Variants in RBFOX1 observed in about 807,000 individuals in gnomAD.
The protein encoded by RBFOX1 is RNA binding fox-1 homolog 1.
RBFOX1 carries 8 observed loss-of-function variants against 57.7 expected under a neutral mutation model. The ratio of observed to expected loss-of-function variants is 0.14; its 90% CI spans 0.08 to 0.25. The LOEUF is 0.25. Ranked by LOEUF, RBFOX1 falls within the 10% of genes least tolerant of loss-of-function variation. The pLI is 1.00. For missense variants in RBFOX1, 611 were observed against 548.5 expected (o/e 1.11, Z -1.14); for synonymous variants, 326 against 222.4 (o/e 1.47, Z -4.15).
intron 3 of RBFOX1, among the ~76,000 whole-genome samples, chr16:6,951,189 G>C (rs1214165197): frequency 6.6e-6 from 1 of 152,138 alleles, no homozygotes; most frequent in Non-Finnish European, 1.5e-5. Context: ...TTATAGGTGT[G>C]AGCCAACAGG....
intron 3 of RBFOX1, among the ~76,000 whole-genome samples, chr16:5,769,196 A>T (rs116291912): frequency 1.3e-5 from 2 of 152,178 alleles, no homozygotes; most frequent in African/African-American, 2.4e-5. Context: ...CAACTAAATT[A>T]TGTCCCCTCA....
intron 3 of RBFOX1, among the ~76,000 whole-genome samples, chr16:6,696,546 G>C (rs1048879288): frequency 6.6e-6 from 1 of 152,150 alleles, no homozygotes; most frequent in Non-Finnish European, 1.5e-5. Context: ...ATATTTATTT[G>C]AGGTTTAATT....
At chr16:6,956,397 C>T (rs1298380644) in intron 3 of RBFOX1, among the ~76,000 whole-genome samples, 1 of 152,184 alleles carries the variant, frequency 6.6e-6, no homozygotes, top group African/African-American at 2.4e-5. Context: ...GGGGAATGAG[C>T]AGGCTCCGCT....
chr16:7,574,870 G>T (rs1193549543), intron 5 of RBFOX1, among the ~76,000 whole-genome samples: 2 of 152,120 alleles, frequency 1.3e-5, no homozygotes, highest in African/African-American at 4.8e-5. Flanking sequence ...CTGCTTTGAG[G>T]CCACTCATCT....
In RBFOX1 at chr16:7,365,452, C is replaced by A. The variant is rs1006749156; in HGVS notation, c.28-152695C>A. The stretch of plus-strand genomic sequence containing the variant: ...AATGTTGAATTGCTGTATTAAAATT[C>A]TTTCAGTGAGTGATTCTCAAGAAGG... On this transcript the variant is annotated intron_variant, in intron 4 of 15. Coordinates refer to ENST00000550418, the MANE Select transcript of RBFOX1 (RefSeq NM_018723.4). Among the ~76,000 whole-genome samples, 7 of 152,194 alleles carry A rather than the reference C, an allele frequency of 4.6e-5. No individual in the cohort carries two copies. In the South Asian group the frequency reaches 1.2e-3, roughly 27 times the overall value.
At chr16:5,541,350 A>C (rs921304415) in intron 2 of RBFOX1, among the ~76,000 whole-genome samples, 2 of 152,152 alleles carry the variant, frequency 1.3e-5, no homozygotes, top group African/African-American at 4.8e-5. Flanking sequence ...CGCCCATGAC[A>C]CTGCCTCAGG....
At chr16:7,362,068 C>T (rs544861031) in intron 4 of RBFOX1, among the ~76,000 whole-genome samples, 110 of 135,554 alleles carry the variant, frequency 8.1e-4, no homozygotes, top group African/African-American at 3.0e-3. Context: ...TATGTTAGTA[C>T]GTGTTTTTTG....
At chr16:5,731,484 A>G (rs2052371917) in intron 3 of RBFOX1, among the ~76,000 whole-genome samples, 1 of 152,246 alleles carries the variant, frequency 6.6e-6, no homozygotes, top group Non-Finnish European at 1.5e-5. Flanking sequence ...ACAGAAAAGA[A>G]GACACACCCA....
At chr16:7,411,822 G>C (rs1230569588) in intron 4 of RBFOX1, among the ~76,000 whole-genome samples, 1 of 147,652 alleles carries the variant, frequency 6.8e-6, no homozygotes, top group Non-Finnish European at 1.5e-5. Flanking sequence ...AGAATCACTT[G>C]AACCCAGGAA....
At chr16:6,287,838 C>T (rs576835511) in intron 1 of RBFOX1, among the ~76,000 whole-genome samples, 1 of 152,110 alleles carries the variant, frequency 6.6e-6, no homozygotes, top group Admixed American at 6.6e-5. Context: ...TGTTTCTAAT[C>T]TAGAAAGATC....
chr16:7,458,257 G>A lies in RBFOX1; in HGVS notation c.28-59890G>A, dbSNP rs111346079. On this transcript the variant is annotated intron_variant, in intron 4 of 15. Coordinates refer to ENST00000550418, the MANE Select transcript of RBFOX1 (RefSeq NM_018723.4). ...TCCTTAAGGTTTGCAAAGGACCAGC[G>A]TCTAATGACCATGTGAATGCAGGAA... Among the ~76,000 whole-genome samples the A allele has an allele frequency of 5.5e-3, 830 of 152,182 alleles. 8 individuals carry two copies. Among genetic ancestry groups the A allele is most frequent in the African/African-American group, 0.018 (761 of 41,528 alleles).
chr16:5,583,264 A>G (rs369235720), intron 2 of RBFOX1, among the ~76,000 whole-genome samples: 2 of 152,300 alleles, frequency 1.3e-5, no homozygotes, highest in African/African-American at 4.8e-5. Context: ...AGGACTCCAT[A>G]CTTCTATATT....
chr16:6,992,837 CA>C lies in RBFOX1; in HGVS notation c.-15-59203del, dbSNP rs3048923. On this transcript the variant is annotated intron_variant, in intron 3 of 15. Transcript: ENST00000550418. ...CAGAAAGGCTGATTCCTTCCTTTTCCAAAAAAAAAAAAAAAAAGATTTGTGA... is the reference window on the plus strand; with the variant it reads ...CAGAAAGGCTGATTCCTTCCTTTTCCAAAAAAAAAAAAAAAAGATTTGTGA... 1.4e-3 allele frequency among the ~76,000 whole-genome samples: 169 copies of C among 118,546 alleles called. 1 individual carries two copies. The highest frequency in any genetic ancestry group is 3.6e-3 in the South Asian group (12 of 3,356). The allele number at this position is 118,546 out of a possible 152,430, so 77.8% of individuals were successfully genotyped here.
chr16:5,983,245 G>A (rs2060209833), intron 4 of RBFOX1, among the ~76,000 whole-genome samples: 3 of 152,204 alleles, frequency 2.0e-5, no homozygotes, highest in African/African-American at 4.8e-5. Flanking sequence ...CAGATCCATT[G>A]TGTGCGCCAC....
chr16:7,523,728 A>G (rs1458789691), intron 5 of RBFOX1, among the ~76,000 whole-genome samples: 1 of 152,192 alleles, frequency 6.6e-6, no homozygotes, highest in Non-Finnish European at 1.5e-5. Context: ...TGCGGGAATC[A>G]TAAAGGGGCT....
At chr16:7,165,535 T>A (rs1489299686) in intron 4 of RBFOX1, among the ~76,000 whole-genome samples, 4 of 151,906 alleles carry the variant, frequency 2.6e-5, no homozygotes, top group Admixed American at 2.6e-4. Flanking sequence ...AATCAAGCCA[T>A]TCACCTGCCT....
intron 4 of RBFOX1, among the ~76,000 whole-genome samples, chr16:7,106,559 A>G (rs905489914): frequency 2.0e-5 from 3 of 152,102 alleles, no homozygotes; most frequent in African/African-American, 7.2e-5. Context: ...TGTGTTTTCT[A>G]TGTGCTTAGG....
intron 3 of RBFOX1, among the ~76,000 whole-genome samples, chr16:6,865,271 G>A (rs898105905): frequency 1.3e-5 from 2 of 151,756 alleles, no homozygotes; most frequent in Non-Finnish European, 2.9e-5. Flanking sequence ...CCACAGTACT[G>A]GGATTACAGA....
At chr16:5,509,687 G>A (rs1024535648) in intron 2 of RBFOX1, among the ~76,000 whole-genome samples, 45 of 152,184 alleles carry the variant, frequency 3.0e-4, no homozygotes. Context: ...AAGAGCGGGT[G>A]CCAGGAGAGC....
Sources: allele counts gnomAD v4.1 joint callset (sites outside exome capture counted in the v4.1 genomes callset), GRCh38; gene constraint gnomAD v4.1.1; transcripts MANE v1.5; gene names NCBI Gene and HGNC (gene_info 2026-07-23, HGNC 2026-07-21).